The following PPARGC1A variants were observed in gnomAD, a reference collection of about 807,000 sequenced individuals.
PPARGC1A encodes the protein peroxisome proliferator-activated receptor gamma coactivator 1-alpha.
A neutral mutation model predicts 88.7 loss-of-function variants in PPARGC1A; 25 were observed. That is an observed-to-expected ratio of 0.28 (90% CI 0.21 to 0.39). The LOEUF (loss-of-function observed/expected upper bound fraction) is 0.39, where lower values mean the gene tolerates loss of function less well. Among genes scored for constraint, PPARGC1A ranks in the 10% least tolerant of loss-of-function variants. The pLI is 1.00. For synonymous variants in PPARGC1A, 363 were observed against 355.6 expected (o/e 1.02, Z -0.24); for missense variants, 880 against 968.7 (o/e 0.91, Z 1.22).
the PPARGC1A span, among the ~76,000 whole-genome samples, chr4:24,086,376 G>C: frequency 6.6e-6 from 1 of 152,234 alleles, no homozygotes; most frequent in African/African-American, 2.4e-5. Flanking sequence ...ACATCCAACT[G>C]CATGTTCCTC....
intron 12 of PPARGC1A, among the ~76,000 whole-genome samples, chr4:23,799,565 C>T (rs1425284514): frequency 6.6e-6 from 1 of 152,184 alleles, no homozygotes; most frequent in Non-Finnish European, 1.5e-5. Context: ...AAAAAACTAC[C>T]TTTGTGCCAT....
At chr4:24,086,519 G>A in the PPARGC1A span, among the ~76,000 whole-genome samples, 5 of 152,244 alleles carry the variant, frequency 3.3e-5, no homozygotes, top group South Asian at 6.2e-4. Context: ...CCTCCTCCAT[G>A]CAACTCCCAA....
chr4:24,215,461 T>A, the PPARGC1A span, among the ~76,000 whole-genome samples: 1 of 152,214 alleles, frequency 6.6e-6, no homozygotes, highest in Non-Finnish European at 1.5e-5. Context: ...TTATTTGGAA[T>A]CAGACAATCC....
At chr4:24,063,881 A>G in the PPARGC1A span, among the ~76,000 whole-genome samples, 2 of 152,052 alleles carry the variant, frequency 1.3e-5, no homozygotes. Context: ...TTAGCATCCT[A>G]TTAATATGGA....
chr4:23,908,995 A>G (rs1720405677), upstream of PPARGC1A, among the ~76,000 whole-genome samples: 1 of 152,220 alleles, frequency 6.6e-6, no homozygotes, highest in South Asian at 2.1e-4. Flanking sequence ...AGCTGCTTAC[A>G]GTCTGAGTAA....
the PPARGC1A span, among the ~76,000 whole-genome samples, chr4:24,380,794 G>A: frequency 6.6e-6 from 1 of 152,128 alleles, no homozygotes; most frequent in Non-Finnish European, 1.5e-5. Context: ...TTCTAGACTG[G>A]GTAATTGACT....
the PPARGC1A span, among the ~76,000 whole-genome samples, chr4:24,236,549 C>T: frequency 1.3e-5 from 2 of 152,160 alleles, no homozygotes; most frequent in Non-Finnish European, 2.9e-5. Flanking sequence ...ACTGCACTTG[C>T]CATGCCAACA....
the PPARGC1A span, among the ~76,000 whole-genome samples, chr4:24,370,377 T>G: frequency 6.6e-6 from 1 of 152,140 alleles, no homozygotes; most frequent in African/African-American, 2.4e-5. Context: ...AGCGACGGTG[T>G]ATAGACAAGA....
At chr4:24,366,643 C>G in the PPARGC1A span, among the ~76,000 whole-genome samples, 2 of 152,104 alleles carry the variant, frequency 1.3e-5, no homozygotes, top group Non-Finnish European at 2.9e-5. Flanking sequence ...CATGCCTACC[C>G]AAACAGATGC....
chr4:24,153,241 C>T, the PPARGC1A span, among the ~76,000 whole-genome samples: 7 of 152,214 alleles, frequency 4.6e-5, no homozygotes, highest in African/African-American at 1.4e-4. Context: ...AAAATAGCCT[C>T]GTCGATGAAC....
chr4:24,319,520 A>G, the PPARGC1A span, among the ~76,000 whole-genome samples: 1 of 152,218 alleles, frequency 6.6e-6, no homozygotes, highest in Admixed American at 6.5e-5. Context: ...AGCTTGGGCC[A>G]TAAGGCAAGA....
At chr4:24,305,261 T>A in the PPARGC1A span, among the ~76,000 whole-genome samples, 2 of 151,026 alleles carry the variant, frequency 1.3e-5, no homozygotes, top group African/African-American at 2.4e-5. Context: ...AATATATATA[T>A]GATATCTAAG....
the PPARGC1A span, among the ~76,000 whole-genome samples, chr4:24,237,372 T>C: frequency 6.6e-6 from 1 of 152,056 alleles, no homozygotes; most frequent in African/African-American, 2.4e-5. Flanking sequence ...TAAGTCACAG[T>C]GGTTTTCCTT....
chr4:23,929,645 A>G, the PPARGC1A span, among the ~76,000 whole-genome samples: 19 of 152,146 alleles, frequency 1.2e-4, no homozygotes, highest in Non-Finnish European at 1.5e-4. Context: ...CATTATGGAG[A>G]GTGGGGAAGA....
chr4:23,821,344 T>C (rs1722981590), intron 7 of PPARGC1A, among the ~76,000 whole-genome samples: 2 of 152,094 alleles, frequency 1.3e-5, no homozygotes. Context: ...GAGTGCCTGA[T>C]TGCCAGAAAT....
the PPARGC1A span, among the ~76,000 whole-genome samples, chr4:24,368,045 A>T: frequency 1.3e-5 from 2 of 152,218 alleles, no homozygotes; most frequent in Non-Finnish European, 2.9e-5. Context: ...AACATTATGT[A>T]AGTAAGGTTT....
intron 5 of PPARGC1A, 148 bp downstream of exon 5, chr4:23,828,252 C>A: frequency 1.2e-6 from 1 of 802,790 alleles, no homozygotes; most frequent in African/African-American, 1.7e-5. Context: ...AAGGTTTCTT[C>A]CCCCGCTCTG....
intron 7 of PPARGC1A, among the ~76,000 whole-genome samples, chr4:23,817,197 G>A (rs2932970): frequency 0.22 from 33,735 of 151,974 alleles, 4,477 homozygotes; most frequent in Admixed American, 0.33. Context: ...AGGTATCTAG[G>A]GATTTCAAAT....
chr4:24,260,527 C>A, the PPARGC1A span, among the ~76,000 whole-genome samples: 1 of 152,278 alleles, frequency 6.6e-6, no homozygotes, highest in Admixed American at 6.5e-5. Context: ...ACAGAGCAAT[C>A]AACATGGGAA....
Sources: allele counts gnomAD v4.1 joint callset (sites outside exome capture counted in the v4.1 genomes callset), GRCh38; gene constraint gnomAD v4.1.1; transcripts MANE v1.5; gene names NCBI Gene and HGNC (gene_info 2026-07-23, HGNC 2026-07-21).